Variants in PIK3R6 observed in about 807,000 individuals in gnomAD.
PIK3R6 encodes the protein phosphoinositide 3-kinase regulatory subunit 6.
Under a neutral mutation model 84.9 loss-of-function variants are expected in PIK3R6, and 91 were observed. That is an observed-to-expected ratio of 1.07 (90% CI 0.90 to 1.28). The LOEUF is 1.28. Ranked by LOEUF, PIK3R6 falls within the 50% of genes most tolerant of loss-of-function variation. PIK3R6 has a pLI of 0.00. For missense variants in PIK3R6, 996 were observed against 985.1 expected (o/e 1.01, Z -0.15); for synonymous variants, 416 against 411.4 (o/e 1.01, Z -0.13).
Position 8,838,626 on chromosome 17 carries a change from CCTT to C in PIK3R6, c.124_126del (p.Lys42del). On this transcript the variant is annotated inframe_deletion, in exon 4 of 20. Coordinates refer to ENST00000619866, the MANE Select transcript of PIK3R6 (RefSeq NM_001010855.4). Reference sequence around the variant, plus strand: ...GGGCTCTTACCGGGATCTCGCTCGACCTTCTTGTGCAGGGACCACCTCCACATG... The same window carrying C: ...GGGCTCTTACCGGGATCTCGCTCGACCTTGTGCAGGGACCACCTCCACATG... 6.2e-7 allele frequency: 1 copy of C among 1,605,982 alleles called. No homozygotes were observed. Among genetic ancestry groups the C allele is most frequent in the Non-Finnish European group, 8.5e-7 (1 of 1,176,340 alleles).
chr17:8,835,279 C>T lies in PIK3R6; in HGVS notation c.639G>A (p.Lys213=). 10 of 1,551,086 alleles carry T rather than the reference C, an allele frequency of 6.4e-6. No individual in the cohort carries two copies. Among genetic ancestry groups the T allele is most frequent in the Non-Finnish European group, 8.8e-6 (10 of 1,141,516 alleles). The change falls in exon 8 of 20, where the codon AAG becomes AAA. Residue 213 remains lysine (K), a synonymous_variant. Transcript: ENST00000619866. Reference sequence around the variant, plus strand: ...CTGCAGGCAGGGCCATTACCTGCAGCTTCCTGTGCAGAGCGCCTGCGTGAC... The same window carrying T: ...CTGCAGGCAGGGCCATTACCTGCAGTTTCCTGTGCAGAGCGCCTGCGTGAC... The part of the protein sequence containing the change: ...EACHAGALHR[K]LQASPRRTLE...
intron 8 of PIK3R6, among the ~76,000 whole-genome samples, chr17:8,834,691 C>T (rs777808999): frequency 1.3e-5 from 2 of 152,022 alleles, no homozygotes; most frequent in African/African-American, 4.8e-5. Context: ...CCACACCAGG[C>T]TCTTATAGGT....
chr17:8,838,191 C>T (rs752982519), intron 4 of PIK3R6: 96 of 459,910 alleles, frequency 2.1e-4, no homozygotes, highest in Admixed American at 8.9e-4. Context: ...CAGTGTTTCC[C>T]AAACGGTTGC....
intron 1 of PIK3R6, among the ~76,000 whole-genome samples, chr17:8,851,192 A>C (rs2088949688): frequency 6.6e-6 from 1 of 151,564 alleles, no homozygotes; most frequent in African/African-American, 2.4e-5. Context: ...GAAAAAAAAA[A>C]CAAAAACAAA....
At chr17:8,846,000 G>T (rs2088807904) in intron 2 of PIK3R6, among the ~76,000 whole-genome samples, 2 of 152,094 alleles carry the variant, frequency 1.3e-5, no homozygotes, top group African/African-American at 4.8e-5. Flanking sequence ...GTCGATTTTT[G>T]TTTTTGTTGC....
At chr17:8,817,064 C>T (rs1333862914) in intron 18 of PIK3R6, among the ~76,000 whole-genome samples, 1 of 152,190 alleles carries the variant, frequency 6.6e-6, no homozygotes, top group Admixed American at 6.5e-5. Context: ...ATAATAAATA[C>T]TGACATATGC....
chr17:8,836,472 C>T (rs544729982), intron 7 of PIK3R6, 75 bp downstream of exon 7: 263 of 1,516,748 alleles, frequency 1.7e-4, no homozygotes, highest in East Asian at 1.6e-3. Context: ...CTTTTGTCCT[C>T]CTGCCAGGGA....
intron 2 of PIK3R6, among the ~76,000 whole-genome samples, chr17:8,843,779 G>T (rs757286914): frequency 6.6e-6 from 1 of 152,126 alleles, no homozygotes; most frequent in Non-Finnish European, 1.5e-5. Context: ...CAATCATAGG[G>T]GGTGGGGAGC....
intron 2 of PIK3R6, among the ~76,000 whole-genome samples, chr17:8,840,758 T>TGC (rs895333594): frequency 6.6e-6 from 1 of 151,008 alleles, no homozygotes; most frequent in Middle Eastern, 3.2e-3. Flanking sequence ...TTTTTGTGTG[T>TGC]GTGTGTGTGT....
At chr17:8,857,458 A>T in intron 1 of PIK3R6, among the ~76,000 whole-genome samples, 1 of 139,646 alleles carries the variant, frequency 7.2e-6, no homozygotes, top group South Asian at 2.2e-4. Flanking sequence ...ACCTCACAGA[A>T]CCCCCCTCTG....
chr17:8,832,804 A>C, intron 9 of PIK3R6, 85 bp downstream of exon 9: 1 of 1,586,336 alleles, frequency 6.3e-7, no homozygotes, highest in Non-Finnish European at 8.6e-7. Flanking sequence ...AGGCAGGTCC[A>C]GCGCTGCTCT....
At chr17:8,834,865 T>G (rs1275380714) in intron 8 of PIK3R6, among the ~76,000 whole-genome samples, 1 of 151,380 alleles carries the variant, frequency 6.6e-6, no homozygotes, top group African/African-American at 2.4e-5. Flanking sequence ...GGAAATGGAG[T>G]CTCTCTCTGT....
intron 1 of PIK3R6, among the ~76,000 whole-genome samples, chr17:8,861,326 C>T (rs1463649428): frequency 1.3e-5 from 2 of 152,114 alleles, no homozygotes; most frequent in Admixed American, 6.6e-5. Flanking sequence ...CCACACAGGG[C>T]CCATAGAAGT....
intron 18 of PIK3R6, among the ~76,000 whole-genome samples, chr17:8,817,494 T>G (rs911564323): frequency 6.6e-6 from 1 of 151,892 alleles, no homozygotes; most frequent in African/African-American, 2.4e-5. Flanking sequence ...ATACAAAAAT[T>G]AGCTGGGCAT....
At chr17:8,853,260 C>T (rs1053004436) in intron 1 of PIK3R6, among the ~76,000 whole-genome samples, 1 of 151,568 alleles carries the variant, frequency 6.6e-6, no homozygotes, top group Non-Finnish European at 1.5e-5. Context: ...CCGAGGGGGG[C>T]AGATCACAGG....
chr17:8,813,903 A>G (rs2087441640), intron 18 of PIK3R6, among the ~76,000 whole-genome samples: 2 of 152,224 alleles, frequency 1.3e-5, no homozygotes, highest in African/African-American at 4.8e-5. Context: ...AGTCCTAGTT[A>G]GAGCAGTCAG....
intron 1 of PIK3R6, among the ~76,000 whole-genome samples, chr17:8,851,419 C>T (rs1318751153): frequency 1.2e-5 from 1 of 83,256 alleles, no homozygotes; most frequent in Admixed American, 1.0e-4. Flanking sequence ...TGGCGTGAAC[C>T]CCGGGAGGCG....
At chr17:8,830,344 C>T (rs1187049390) in intron 9 of PIK3R6, among the ~76,000 whole-genome samples, 2 of 152,238 alleles carry the variant, frequency 1.3e-5, no homozygotes, top group Admixed American at 1.3e-4. Flanking sequence ...CTTCCTGCTT[C>T]TCTTTCTAGA....
chr17:8,840,302 G>A lies in PIK3R6; in HGVS notation c.14-605C>T, dbSNP rs367979093. ...TGAAATATATACAGCCTACAAATATGTATATGAAATATATATAGCCTCCAA... is the reference window on the plus strand; with the variant it reads ...TGAAATATATACAGCCTACAAATATATATATGAAATATATATAGCCTCCAA... On this transcript the variant is annotated intron_variant, in intron 2 of 19. Coordinates refer to ENST00000619866, the MANE Select transcript of PIK3R6 (RefSeq NM_001010855.4). Among the ~76,000 whole-genome samples, 428 of 94,838 alleles carry A rather than the reference G, an allele frequency of 4.5e-3. 3 individuals are homozygous for A. Among genetic ancestry groups the A allele is most frequent in the African/African-American group, 0.017 (372 of 22,016 alleles). 62.2% of individuals were successfully genotyped at this position (94,838 alleles called of 152,430 possible).
Sources: gnomAD v4.1 joint callset for allele counts (sites outside exome capture counted in the v4.1 genomes callset) on GRCh38, gnomAD v4.1.1 for gene constraint, MANE v1.5 for transcripts, NCBI Gene and HGNC (gene_info 2026-07-23, HGNC 2026-07-21) for gene names.